EXOC6B: variants seen among roughly 807,000 people sequenced by gnomAD.
The protein encoded by EXOC6B is exocyst complex component 6B, also known as SEC15 homolog B.
EXOC6B carries 54 observed loss-of-function variants against 113.5 expected under a neutral mutation model. That is an observed-to-expected ratio of 0.48 (90% CI 0.38 to 0.60). EXOC6B has a LOEUF of 0.60. EXOC6B is among the 20% of genes least tolerant of loss of function. EXOC6B has a pLI of 0.00. For synonymous variants in EXOC6B, 357 were observed against 339.0 expected (o/e 1.05, Z -0.58); for missense variants, 797 against 977.5 (o/e 0.82, Z 2.46).
chr2:72,804,292 C>G (rs1685458525), intron 1 of EXOC6B, among the ~76,000 whole-genome samples: 1 of 152,176 alleles, frequency 6.6e-6, no homozygotes, highest in Non-Finnish European at 1.5e-5. Context: ...ATTGGTCTGA[C>G]TGCCTATTTT....
intron 1 of EXOC6B, among the ~76,000 whole-genome samples, chr2:72,753,247 TAAAA>T (rs34867991): frequency 7.4e-5 from 11 of 147,694 alleles, no homozygotes; most frequent in Non-Finnish European, 6.0e-5. Flanking sequence ...TCTCTTGAAT[TAAAA>T]AAAAAAAAAA....
intron 6 of EXOC6B, among the ~76,000 whole-genome samples, chr2:72,576,252 C>G (rs1241807463): frequency 6.6e-6 from 1 of 152,002 alleles, no homozygotes; most frequent in African/African-American, 2.4e-5. Context: ...CAATAGGATT[C>G]CATGACTGTG....
At chr2:72,676,313 A>G (rs889231126) in intron 6 of EXOC6B, among the ~76,000 whole-genome samples, 1 of 152,180 alleles carries the variant, frequency 6.6e-6, no homozygotes, top group Non-Finnish European at 1.5e-5. Flanking sequence ...AAAGCATCTG[A>G]TTTAGTGAAA....
intron 5 of EXOC6B, among the ~76,000 whole-genome samples, chr2:72,719,806 C>T (rs540891755): frequency 1.5e-3 from 230 of 152,312 alleles, no homozygotes; most frequent in African/African-American, 5.4e-3. Context: ...AAGGAAATGA[C>T]AGCAGATGGT....
intron 1 of EXOC6B, among the ~76,000 whole-genome samples, chr2:72,824,790 A>C (rs1252387020): frequency 2.6e-5 from 4 of 152,178 alleles, no homozygotes; most frequent in Non-Finnish European, 5.9e-5. Flanking sequence ...AAAGTAGTTC[A>C]AAACTGGGCT....
At chr2:72,380,324 T>C (rs1691605999) in intron 18 of EXOC6B, among the ~76,000 whole-genome samples, 1 of 152,208 alleles carries the variant, frequency 6.6e-6, no homozygotes, top group African/African-American at 2.4e-5. Context: ...TTTACTGCTT[T>C]ATGATTTAAC....
chr2:72,208,869 C>T (rs1391676451), intron 20 of EXOC6B, among the ~76,000 whole-genome samples: 1 of 152,164 alleles, frequency 6.6e-6, no homozygotes. Flanking sequence ...GAAACTCTTA[C>T]ATCAAATGAA....
At chr2:72,567,410 C>A (rs1334870009) in intron 7 of EXOC6B, among the ~76,000 whole-genome samples, 1 of 151,974 alleles carries the variant, frequency 6.6e-6, no homozygotes, top group African/African-American at 2.4e-5. Flanking sequence ...TGCTGATACT[C>A]TGGAAACCAG....
chr2:72,610,977 G>A (rs373657566), intron 6 of EXOC6B, among the ~76,000 whole-genome samples: 2 of 152,056 alleles, frequency 1.3e-5, no homozygotes, highest in East Asian at 1.9e-4. Context: ...TCATTTCTGT[G>A]GTATCCTTTT....
intron 11 of EXOC6B, among the ~76,000 whole-genome samples, chr2:72,505,286 C>T (rs548139360): frequency 2.6e-4 from 40 of 152,246 alleles, no homozygotes; most frequent in African/African-American, 8.7e-4. Flanking sequence ...TCCATCATGA[C>T]AGTCAGCTGT....
intron 20 of EXOC6B, among the ~76,000 whole-genome samples, chr2:72,184,424 T>G (rs1275115445): frequency 6.6e-6 from 1 of 152,228 alleles, no homozygotes; most frequent in Non-Finnish European, 1.5e-5. Flanking sequence ...TAAGACTATA[T>G]GCCAGCAGTC....
chr2:72,497,857 C>T (rs1700117864), intron 13 of EXOC6B, among the ~76,000 whole-genome samples: 1 of 152,042 alleles, frequency 6.6e-6, no homozygotes. Context: ...GTGCCAAGAG[C>T]ACAGTTCGAG....
chr2:72,769,458 T>C (rs759191987), intron 1 of EXOC6B, among the ~76,000 whole-genome samples: 24 of 152,208 alleles, frequency 1.6e-4, no homozygotes, highest in Non-Finnish European at 3.2e-4. Context: ...AAAATATTAA[T>C]TTATATTATA....
chr2:72,762,570 T>C (rs751296573), intron 1 of EXOC6B, among the ~76,000 whole-genome samples: 4 of 151,854 alleles, frequency 2.6e-5, no homozygotes, highest in Non-Finnish European at 4.4e-5. Context: ...AATCAAGAAT[T>C]TTATACCTAG....
intron 6 of EXOC6B, among the ~76,000 whole-genome samples, chr2:72,701,686 C>A (rs1468075439): frequency 6.6e-6 from 1 of 152,184 alleles, no homozygotes; most frequent in Non-Finnish European, 1.5e-5. Context: ...AGGTTTCCCT[C>A]CTCCAAATAC....
intron 18 of EXOC6B, among the ~76,000 whole-genome samples, chr2:72,437,958 T>G (rs1406595618): frequency 6.6e-6 from 1 of 152,074 alleles, no homozygotes; most frequent in African/African-American, 2.4e-5. Flanking sequence ...TGATTAAATT[T>G]GCAATACTTC....
intron 8 of EXOC6B, among the ~76,000 whole-genome samples, chr2:72,521,097 G>A (rs1270775824): frequency 1.3e-5 from 2 of 152,308 alleles, no homozygotes; most frequent in East Asian, 3.9e-4. Context: ...ATTAAGTGAT[G>A]AGGGTAGGGC....
chr2:72,524,037 G>A (rs2105728650), intron 8 of EXOC6B, among the ~76,000 whole-genome samples: 1 of 151,276 alleles, frequency 6.6e-6, no homozygotes, highest in African/African-American at 2.4e-5. Flanking sequence ...CCTACAGGAA[G>A]CAATATTTCC....
chr2:72,472,973 A>G (rs1198341478), intron 17 of EXOC6B, among the ~76,000 whole-genome samples: 2 of 152,056 alleles, frequency 1.3e-5, no homozygotes, highest in African/African-American at 4.8e-5. Flanking sequence ...ATTTCCATGT[A>G]TTTGTATCAT....
Sources: allele counts gnomAD v4.1 joint callset (sites outside exome capture counted in the v4.1 genomes callset), GRCh38; gene constraint gnomAD v4.1.1; transcripts MANE v1.5; gene names NCBI Gene and HGNC (gene_info 2026-07-23, HGNC 2026-07-21).